The following ZNF536 variants were observed in gnomAD, a reference collection of about 807,000 sequenced individuals.
The protein encoded by ZNF536 is zinc finger protein 536.
Under a neutral mutation model 84.5 loss-of-function variants are expected in ZNF536, and 13 were observed. The ratio of observed to expected loss-of-function variants is 0.15; its 90% CI spans 0.10 to 0.24. ZNF536 has a LOEUF of 0.24. Among genes scored for constraint, ZNF536 ranks in the 10% least tolerant of loss-of-function variants. The probability of loss-of-function intolerance (pLI) is 1.00; values close to 1 mark genes in which losing one functional copy is unlikely to be tolerated. For missense variants in ZNF536, 1,536 were observed against 1,747.5 expected (o/e 0.88, Z 2.16); for synonymous variants, 811 against 742.5 (o/e 1.09, Z -1.50).
At chr19:30,668,062 G>T (rs890378161) in intron 1 of ZNF536, among the ~76,000 whole-genome samples, 1 of 152,072 alleles carries the variant, frequency 6.6e-6, no homozygotes, top group South Asian at 2.1e-4. Flanking sequence ...AAAATAACTG[G>T]AGTGCCCTTC....
chr19:30,458,353 A>G (rs2052955377), intron 2 of ZNF536, among the ~76,000 whole-genome samples: 1 of 148,142 alleles, frequency 6.8e-6, no homozygotes, highest in African/African-American at 2.5e-5. Flanking sequence ...AAATGTTTCC[A>G]TGGCTTGGGG....
At chr19:30,559,354 G>T (rs1346783738), downstream of ZNF536, among the ~76,000 whole-genome samples, 1 of 152,346 alleles carries the variant, frequency 6.6e-6, no homozygotes, top group East Asian at 1.9e-4. Flanking sequence ...CCACATTTAG[G>T]CAGGGCCAGT....
At chr19:30,521,580 C>T (rs2044321798) in intron 2 of ZNF536, among the ~76,000 whole-genome samples, 1 of 152,152 alleles carries the variant, frequency 6.6e-6, no homozygotes, top group African/African-American at 2.4e-5. Context: ...GGAGCTAGGT[C>T]AGTTCATTTA....
intron 1 of ZNF536, among the ~76,000 whole-genome samples, chr19:30,663,214 T>A (rs757528330): frequency 2.0e-5 from 3 of 152,176 alleles, no homozygotes; most frequent in Non-Finnish European, 2.9e-5. Flanking sequence ...TGTCATTTAA[T>A]ATCTAAGTAC....
At chr19:30,243,089 G>C (rs2024048074) in intron 1 of ZNF536, among the ~76,000 whole-genome samples, 1 of 152,032 alleles carries the variant, frequency 6.6e-6, no homozygotes, top group African/African-American at 2.4e-5. Flanking sequence ...TTTTGGAAAA[G>C]TTGCTTAAAT....
At chr19:30,504,100 A>T (rs1357814404) in intron 2 of ZNF536, among the ~76,000 whole-genome samples, 1 of 152,100 alleles carries the variant, frequency 6.6e-6, no homozygotes, top group African/African-American at 2.4e-5. Context: ...AAATATGGCC[A>T]CTTAGGAGCT....
At chr19:30,673,061 C>T (rs989702442) in intron 1 of ZNF536, among the ~76,000 whole-genome samples, 2 of 152,134 alleles carry the variant, frequency 1.3e-5, no homozygotes, top group African/African-American at 2.4e-5. Flanking sequence ...TATGTGGAAA[C>T]AGCCTGCAGG....
chr19:30,567,138 G>A (rs2046381564), intron 1 of ZNF536, among the ~76,000 whole-genome samples: 1 of 152,220 alleles, frequency 6.6e-6, no homozygotes, highest in African/African-American at 2.4e-5. Flanking sequence ...CATTTGAGAT[G>A]CGTCAAAAAT....
At chr19:30,680,997 T>C (rs185742555) in intron 1 of ZNF536, among the ~76,000 whole-genome samples, 5 of 152,352 alleles carry the variant, frequency 3.3e-5, no homozygotes, top group African/African-American at 1.2e-4. Flanking sequence ...ATTTCTCTGA[T>C]GGCCAGTGAT....
intron 1 of ZNF536, among the ~76,000 whole-genome samples, chr19:30,413,602 C>T (rs1454186838): frequency 1.3e-5 from 2 of 152,106 alleles, no homozygotes; most frequent in African/African-American, 4.8e-5. Context: ...TATTTTTAAA[C>T]ATTTATTTTT....
chr19:30,467,842 A>G (rs1266712843), intron 2 of ZNF536, among the ~76,000 whole-genome samples: 2 of 152,246 alleles, frequency 1.3e-5, no homozygotes, highest in Admixed American at 6.5e-5. Context: ...TGAGGGGGTC[A>G]CAGCCCTTTC....
chr19:30,255,332 G>A (rs2024854837), intron 1 of ZNF536, among the ~76,000 whole-genome samples: 2 of 152,108 alleles, frequency 1.3e-5, no homozygotes, highest in East Asian at 1.9e-4. Context: ...GAATATTTGC[G>A]GGGAGATAGT....
intron 2 of ZNF536, among the ~76,000 whole-genome samples, chr19:30,519,135 C>T (rs573040923): frequency 2.7e-4 from 41 of 152,338 alleles, no homozygotes; most frequent in Admixed American, 7.8e-4. Context: ...CCACCAGCAA[C>T]GGTTCAAGGC....
intron 2 of ZNF536, among the ~76,000 whole-genome samples, chr19:30,309,499 G>C (rs1041423172): frequency 2.6e-5 from 4 of 152,144 alleles, no homozygotes; most frequent in Non-Finnish European, 2.9e-5. Context: ...ACAGTTGTGC[G>C]GCTGAAAAGG....
chr19:30,696,020 C>T (rs2051643228), intron 1 of ZNF536, among the ~76,000 whole-genome samples: 1 of 152,108 alleles, frequency 6.6e-6, no homozygotes, highest in South Asian at 2.1e-4. Context: ...CTGAGTGTCA[C>T]CCTAATAATT....
At chr19:30,622,438 T>C (rs2048515520) in intron 1 of ZNF536, among the ~76,000 whole-genome samples, 1 of 152,266 alleles carries the variant, frequency 6.6e-6, no homozygotes, top group Non-Finnish European at 1.5e-5. Flanking sequence ...CTTGGGGCCA[T>C]GGCAGGGCCT....
chr19:30,314,503 C>T lies in ZNF536; in HGVS notation c.-120+30362C>T, dbSNP rs186339834. 5.9e-3 allele frequency among the ~76,000 whole-genome samples: 904 copies of T among 152,232 alleles called. 12 individuals carry two copies. The highest frequency in any genetic ancestry group is 0.021 in the African/African-American group (882 of 41,532). ...CTGCTGTCCTCCACCCTTGTGGCTG[C>T]CCTCATAGAGAAAAGAGCCACACCG... On this transcript the variant is annotated intron_variant, in intron 2 of 5. Coordinates refer to the ZNF536 transcript ENST00000585628.
intron 1 of ZNF536, among the ~76,000 whole-genome samples, chr19:30,582,911 A>C (rs984607433): frequency 9.2e-5 from 14 of 152,182 alleles, no homozygotes; most frequent in African/African-American, 3.4e-4. Flanking sequence ...GCTACAATTC[A>C]AGATGAGATT....
intron 2 of ZNF536, among the ~76,000 whole-genome samples, chr19:30,466,919 C>A (rs996669284): frequency 1.1e-4 from 17 of 152,288 alleles, no homozygotes; most frequent in East Asian, 3.9e-4. Flanking sequence ...CGGCTCACTG[C>A]AAACTCTGCC....
Sources: allele counts gnomAD v4.1 joint callset (sites outside exome capture counted in the v4.1 genomes callset), GRCh38; gene constraint gnomAD v4.1.1; transcripts MANE v1.5; gene names NCBI Gene and HGNC (gene_info 2026-07-23, HGNC 2026-07-21).